MSANTD3: variants seen among roughly 807,000 people sequenced by gnomAD.
The protein encoded by MSANTD3 is Myb/SANT DNA binding domain containing 3.
MSANTD3 carries 11 observed loss-of-function variants against 27.7 expected under a neutral mutation model. The ratio of observed to expected loss-of-function variants is 0.40; its 90% confidence interval spans 0.25 to 0.66. The LOEUF (loss-of-function observed/expected upper bound fraction) is 0.66, where lower values mean the gene tolerates loss of function less well. Ranked by LOEUF, MSANTD3 falls within the 30% of genes least tolerant of loss-of-function variation. The probability of loss-of-function intolerance (pLI) is 0.41; values close to 1 mark genes in which losing one functional copy is unlikely to be tolerated. For synonymous variants in MSANTD3, 131 were observed against 127.2 expected (o/e 1.03, Z -0.20); for missense variants, 250 against 336.5 (o/e 0.74, Z 2.01).
chr9:100,445,231 GA>G (rs34445758), intron 2 of MSANTD3: 10 of 1,585,652 alleles, frequency 6.3e-6, no homozygotes, highest in South Asian at 1.1e-5. Flanking sequence ...GACTTGGTAG[GA>G]AAAAGGTGGA....
At chr9:100,429,500 C>G (rs1291226548) in intron 1 of MSANTD3, 3 of 152,146 alleles carry the variant, frequency 2.0e-5, no homozygotes, top group South Asian at 2.1e-4. Flanking sequence ...TTATGTATTC[C>G]CCTAGGAATT....
chr9:100,442,384 G>T (rs751481223), intron 2 of MSANTD3, 28 bp downstream of exon 2: 9 of 1,573,566 alleles, frequency 5.7e-6, no homozygotes, highest in African/African-American at 1.4e-5. Context: ...CAGTGTGCAC[G>T]CTCTCACTGG....
intron 1 of MSANTD3, chr9:100,429,448 A>G (rs1157656157): frequency 6.6e-6 from 1 of 152,226 alleles, no homozygotes; most frequent in Non-Finnish European, 1.5e-5. Context: ...TCATGTGCTG[A>G]GTCATATGTT....
chr9:100,450,357 C>G (rs2118141436), intron 2 of MSANTD3, among the ~76,000 whole-genome samples, 200 bp from the exon 3 acceptor site: 1 of 152,228 alleles, frequency 6.6e-6, no homozygotes, highest in South Asian at 2.1e-4. Flanking sequence ...ATCATTATTT[C>G]TTAAGAAAAA....
chr9:100,428,884 T>C (rs1462709700), intron 1 of MSANTD3, among the ~76,000 whole-genome samples: 1 of 151,980 alleles, frequency 6.6e-6, no homozygotes, highest in Admixed American at 6.6e-5. Context: ...GGGTTTAGAA[T>C]GGGGAGAACT....
chr9:100,434,406 T>C (rs903587595), intron 1 of MSANTD3, among the ~76,000 whole-genome samples: 4 of 152,100 alleles, frequency 2.6e-5, no homozygotes, highest in African/African-American at 9.7e-5. Context: ...GATGGGTGCC[T>C]GTAATCCTAG....
In MSANTD3 at chr9:100,451,521, G is replaced by A. The variant is rs1010663856; in HGVS notation, c.*555G>A. 6.6e-6 allele frequency: 1 copy of A among 151,604 alleles called. No individual in the cohort carries two copies. Among genetic ancestry groups the A allele is most frequent in the Non-Finnish European group, 1.5e-5 (1 of 67,908 alleles). The allele number at this position is 151,604 out of a possible 1,614,324, so 9.4% of individuals were successfully genotyped here. ...GTCATCCTCTGAGTATGGATTTTCTGTTTTTAAACAGCCCAAAGTTTAGAA... is the reference window on the plus strand; with the variant it reads ...GTCATCCTCTGAGTATGGATTTTCTATTTTTAAACAGCCCAAAGTTTAGAA... On this transcript the variant is annotated 3_prime_UTR_variant, in exon 3 of 3. Coordinates refer to ENST00000395067, the MANE Select transcript of MSANTD3 (RefSeq NM_080655.3).
At chr9:100,436,783 A>G (rs1330476100) in intron 1 of MSANTD3, among the ~76,000 whole-genome samples, 1 of 151,846 alleles carries the variant, frequency 6.6e-6, no homozygotes, top group Non-Finnish European at 1.5e-5. Flanking sequence ...TAAAGCTCCA[A>G]AAGATCTCCA....
chr9:100,443,399 C>CA lies in MSANTD3; in HGVS notation c.418+1057dup, dbSNP rs376952309. 5.0e-3 allele frequency among the ~76,000 whole-genome samples: 591 copies of CA among 117,532 alleles called. 6 individuals are homozygous for CA. The highest frequency in any genetic ancestry group is 0.014 in the African/African-American group (430 of 30,808). 77.1% of individuals were successfully genotyped at this position (117,532 alleles called of 152,430 possible). On this transcript the variant is annotated intron_variant, in intron 2 of 2. Transcript: ENST00000395067. ...AGGCAACAAGAGCAAAACTCCATCT[C>CA]AAAAAAAAAAAAAAGAACTATTTCA...
At chr9:100,436,079 A>G (rs770577363) in intron 1 of MSANTD3, among the ~76,000 whole-genome samples, 2 of 152,200 alleles carry the variant, frequency 1.3e-5, no homozygotes, top group Non-Finnish European at 2.9e-5. Context: ...TGCCTAGCCC[A>G]AGGGGAACTT....
At chr9:100,428,840 G>T (rs917236550) in intron 1 of MSANTD3, among the ~76,000 whole-genome samples, 57 of 152,280 alleles carry the variant, frequency 3.7e-4, no homozygotes, top group African/African-American at 1.3e-3. Context: ...CATTCACTGG[G>T]TTAGAGAAGT....
intron 2 of MSANTD3, chr9:100,449,239 TAAAA>T (rs919327619): frequency 2.0e-6 from 2 of 985,208 alleles, no homozygotes; most frequent in Non-Finnish European, 2.4e-6. Flanking sequence ...ACTGCTCTAA[TAAAA>T]AAAGCAGGGC....
intron 2 of MSANTD3, among the ~76,000 whole-genome samples, chr9:100,447,008 ATAG>A (rs1448336229): frequency 1.3e-5 from 2 of 152,004 alleles, no homozygotes; most frequent in Non-Finnish European, 2.9e-5. Context: ...TTTTGCTGTC[ATAG>A]TAGGCTTTTC....
At chr9:100,427,600 G>C (rs920755589) in intron 1 of MSANTD3, 1 of 152,092 alleles carries the variant, frequency 6.6e-6, no homozygotes, top group African/African-American at 2.4e-5. Context: ...TGCCTACAAA[G>C]CCCCGGGGCG....
intron 1 of MSANTD3, among the ~76,000 whole-genome samples, chr9:100,434,553 T>C (rs927550797): frequency 2.0e-5 from 3 of 152,098 alleles, no homozygotes; most frequent in African/African-American, 7.2e-5. Flanking sequence ...AAACAGTCTT[T>C]GGTGTATACT....
intron 1 of MSANTD3, among the ~76,000 whole-genome samples, chr9:100,429,355 T>C (rs1338682625): frequency 6.6e-6 from 1 of 152,214 alleles, no homozygotes; most frequent in African/African-American, 2.4e-5. Flanking sequence ...TTTTCACATA[T>C]CTGGCGTGCA....
intron 2 of MSANTD3, chr9:100,444,808 C>T (rs576470310): frequency 3.6e-4 from 59 of 165,966 alleles, no homozygotes; most frequent in Middle Eastern, 2.8e-3. Context: ...TGATGTAATT[C>T]ATTTACTCAT....
chr9:100,437,548 C>A (rs998652559), intron 1 of MSANTD3, among the ~76,000 whole-genome samples: 1 of 152,190 alleles, frequency 6.6e-6, no homozygotes, highest in African/African-American at 2.4e-5. Flanking sequence ...CCATAAGGAA[C>A]CTTTGGGGTA....
At chr9:100,446,534 T>C (rs1836757750) in intron 2 of MSANTD3, among the ~76,000 whole-genome samples, 1 of 152,142 alleles carries the variant, frequency 6.6e-6, no homozygotes, top group Non-Finnish European at 1.5e-5. Flanking sequence ...GTTTTTAAGA[T>C]CAATTCCTAG....
Sources: gnomAD v4.1 joint callset for allele counts (sites outside exome capture counted in the v4.1 genomes callset) on GRCh38, gnomAD v4.1.1 for gene constraint, MANE v1.5 for transcripts, NCBI Gene and HGNC (gene_info 2026-07-23, HGNC 2026-07-21) for gene names.